Variants in KMT2D observed in about 807,000 individuals in gnomAD.
KMT2D encodes the protein histone-lysine N-methyltransferase 2D.
Under a neutral mutation model 512.7 loss-of-function variants are expected in KMT2D, and 55 were observed. The ratio of observed to expected loss-of-function variants is 0.11; its 90% confidence interval spans 0.09 to 0.13. KMT2D has a LOEUF of 0.13. KMT2D is among the 10% of genes least tolerant of loss of function. KMT2D has a pLI of 1.00. For synonymous variants in KMT2D, 2,995 were observed against 2,904.0 expected, an observed-to-expected ratio of 1.03 and a Z score of -1.01; for missense variants, 6,061 against 7,127.9, an observed-to-expected ratio of 0.85 and a Z score of 5.39.
rs1000455345 is a variant in KMT2D at position 49,024,048 on chromosome 12, C to T, written c.16052+530G>A. 7.5e-5 allele frequency: 34 copies of T among 454,870 alleles called. No individual in the cohort carries two copies. Among genetic ancestry groups the T allele is most frequent in the Non-Finnish European group, 1.4e-4 (31 of 226,674 alleles). The allele number at this position is 454,870 out of a possible 1,614,324, so 28.2% of individuals were successfully genotyped here. A position where few individuals can be genotyped will look rare whatever the true frequency, so the allele number is the denominator to read the frequency against. On this transcript the variant is annotated intron_variant, in intron 51 of 54. Transcript: ENST00000301067. This position sits in a 1 kb window ranked among gnomAD's most constrained non-coding sequence, Gnocchi z 4.5. ...AATGGGGGTCATACCACCTGCCCTA[C>T]CTACCTCATAAGGTTGTTGTGAGGA...
At position 49,026,159 on chromosome 12, in the gene KMT2D, C is replaced by A. The variant is rs1420438384; in HGVS notation, c.15784+23G>T. The A allele has an allele frequency of 6.5e-7, 1 of 1,536,858 alleles. No homozygotes were observed. ...GAAACTTTTCCCATTCCATATTATC[C>A]ATTTCAAGGGCCCACTGCTCACCCT... On this transcript the variant is annotated intron_variant, in intron 49 of 54. Transcript: ENST00000301067. The surrounding 1 kb of genome is among the most constrained non-coding windows in gnomAD (Gnocchi z 9.6).
chr12:49,048,863 C>T (rs1241132156), intron 13 of KMT2D, 94 bp from the exon 14 acceptor site: 1 of 887,318 alleles, frequency 1.1e-6, no homozygotes, highest in African/African-American at 1.7e-5. Context: ...AGTGTGAACC[C>T]TTGGTTAAGA....
Position 49,021,514 on chromosome 12 carries a change from AT to A in KMT2D, c.*265del, listed in dbSNP as rs1942327295. 2 of 514,338 alleles carry A rather than the reference AT, an allele frequency of 3.9e-6. No individual in the cohort carries two copies. Among genetic ancestry groups the A allele is most frequent in the Admixed American group, 3.4e-5 (1 of 29,804 alleles). 31.9% of individuals were successfully genotyped at this position (514,338 alleles called of 1,614,324 possible). A position where few individuals can be genotyped will look rare whatever the true frequency, so the allele number is the denominator to read the frequency against. On this transcript the variant is annotated 3_prime_UTR_variant, in exon 55 of 55. Transcript: ENST00000301067. ...ATCCCCCTCAAACCTGAGATGCCCA[AT>A]GGCTGCTTCTGTCTGGCCCCTCCTG...
intron 8 of KMT2D, 41 bp from the exon 9 acceptor site, chr12:49,053,113 G>A (rs2120693482): frequency 6.2e-7 from 1 of 1,613,532 alleles, no homozygotes; most frequent in South Asian, 1.1e-5. Flanking sequence ...TGGTCAGACA[G>A]CAAAGACTAA....
In KMT2D at chr12:49,052,059, C is replaced by T. The variant is rs1472465711; in HGVS notation, c.1624G>A (p.Ala542Thr). ...TCAAATGGTGGGGACAGGGGCGATG[C>T]TTCAGGTGGTGGGGATAGAGGCGTC... ...LETPLSPPPEASPLSPPFEES... is the reference protein window; with the variant it reads ...LETPLSPPPETSPLSPPFEES... Residue 542 changes from alanine to threonine, a missense_variant, in exon 11 of 55, where the codon GCA becomes ACA. Ala to Thr is a moderately conservative substitution (Grantham distance 58, BLOSUM62 0). This residue lies in a region of KMT2D where 848 missense variants were observed against 838.5 expected (regional missense o/e 1.01). Coordinates refer to ENST00000301067, the MANE Select transcript of KMT2D (RefSeq NM_003482.4). 4 of 1,612,844 alleles carry T rather than the reference C, an allele frequency of 2.5e-6. No individual in the cohort carries two copies. The East Asian group carries it at 8.9e-5, about 36-fold the overall frequency.
At position 49,040,830 on chromosome 12, in the gene KMT2D, T is replaced by C. The variant is rs1248753618; in HGVS notation, c.6940A>G (p.Thr2314Ala). The C allele has an allele frequency of 1.9e-6, 3 of 1,613,522 alleles. No homozygotes were observed. The highest frequency in any genetic ancestry group is 1.7e-5 in the Admixed American group (1 of 59,988). The part of the protein sequence containing the change: ...LGFVDSPSSG[T>A]HLGGLELKTP... ...TTTAACTCCAGGCCACCCAGGTGGG[T>C]GCCTGAGGAGGGTGAGTCAACAAAG... Residue 2314 changes from threonine (T) to alanine (A), a missense_variant, in exon 32 of 55, where the codon ACC becomes GCC. Thr to Ala is a moderately conservative substitution (Grantham distance 58, BLOSUM62 0). Transcript: ENST00000301067.
rs761129426 is a variant in KMT2D at position 49,029,144 on chromosome 12, G to A, written c.14168C>T (p.Pro4723Leu). Residue 4723 changes from proline to leucine, a missense_variant, in exon 45 of 55, where the codon CCT becomes CTT. Around this residue, in one of 16 missense-constraint regions of KMT2D, gnomAD observed 1,600 missense variants for 1,754.9 expected, o/e 0.91. Coordinates refer to ENST00000301067, the MANE Select transcript of KMT2D (RefSeq NM_003482.4). ...CTCCCACCGGCCTGAGCCCAGATGA[G>A]GGAAACGAGGGGCCTCCTCCCCCAA... ...SILGEEAPRF[P>L]HLGSGRWEQE... 2 of 1,613,848 alleles carry A rather than the reference G, an allele frequency of 1.2e-6. No homozygotes were observed. The highest frequency in any genetic ancestry group is 1.7e-5 in the Admixed American group (1 of 60,024).
rs555129891 is a variant in KMT2D at position 49,044,350 on chromosome 12, T to C, written c.5084-46A>G. 9.3e-6 allele frequency: 15 copies of C among 1,613,602 alleles called. No homozygotes were observed. The highest frequency in any genetic ancestry group is 7.7e-5 in the South Asian group (7 of 91,052). Reference sequence around the variant, plus strand: ...GGATGAGAAGCCGCTGGGGGACCTATTGAGCTGCCCCGCACCACCCCACCA... The same window carrying C: ...GGATGAGAAGCCGCTGGGGGACCTACTGAGCTGCCCCGCACCACCCCACCA... On this transcript the variant is annotated intron_variant, in intron 21 of 54. Transcript: ENST00000301067. This position sits in a 1 kb window ranked among gnomAD's most constrained non-coding sequence, Gnocchi z 6.4.
rs1942158003 is a variant in KMT2D at position 49,019,071 on chromosome 12, T to C, written c.*2709A>G. 2 of 1,323,248 alleles carry C rather than the reference T, an allele frequency of 1.5e-6. No homozygotes were observed. The highest frequency in any genetic ancestry group is 1.7e-5 in the South Asian group (1 of 58,774). The allele number at this position is 1,323,248 out of a possible 1,614,324, so 82.0% of individuals were successfully genotyped here. A position where few individuals can be genotyped will look rare whatever the true frequency, so the allele number is the denominator to read the frequency against. On this transcript the variant is annotated 3_prime_UTR_variant, in exon 55 of 55. Transcript: ENST00000301067. ...CCCTTTGCCTCTCGCAACATAAATA[T>C]GTACAGTTCAGAATGATCGCTGATA...
chr12:49,038,325 G>A lies in KMT2D; in HGVS notation c.9031C>T (p.His3011Tyr), dbSNP rs2120494460. 1 of 1,613,850 alleles carries A rather than the reference G, an allele frequency of 6.2e-7. No homozygotes were observed. Among genetic ancestry groups the A allele is most frequent in the Non-Finnish European group, 8.5e-7 (1 of 1,179,882 alleles). The change falls in exon 35 of 55, where the codon CAC (histidine) becomes TAC (tyrosine). Residue 3011 changes from histidine (H) to tyrosine (Y), a missense_variant. Around this residue, in one of 16 missense-constraint regions of KMT2D, gnomAD observed 527 missense variants for 578.9 expected, o/e 0.91. Transcript: ENST00000301067. This position sits in a 1 kb window ranked among gnomAD's most constrained non-coding sequence, Gnocchi z 5.7. Reference sequence around the variant, plus strand: ...GCCACATCCACACCCAGACCCAGGTGAGCAAGCTCTTCATCATCCTCTAGG... The same window carrying A: ...GCCACATCCACACCCAGACCCAGGTAAGCAAGCTCTTCATCATCCTCTAGG... The part of the protein sequence containing the change: ...KALEDDEELA[H>Y]LGLGVDVAKG...
Position 49,049,948 on chromosome 12 carries a change from C to T in KMT2D, c.3640G>A (p.Gly1214Ser), listed in dbSNP as rs764323212. ...CCAGGAAAACTGGCACTGGCATCAC[C>T]CTGGCTCAGATTAGAGATCTCGTTA... is the stretch of plus-strand genomic sequence containing the variant. ...IVNEISNLSQ[G>S]DASASFPGSE... The change falls in exon 12 of 55, where the codon GGT (glycine) becomes AGT (serine). Residue 1214 changes from glycine to serine, a missense_variant. This residue lies in a region of KMT2D where 447 missense variants were observed against 500.1 expected (regional missense o/e 0.89). Coordinates refer to ENST00000301067, the MANE Select transcript of KMT2D (RefSeq NM_003482.4). 2 of 1,613,956 alleles carry T rather than the reference C, an allele frequency of 1.2e-6. No individual in the cohort carries two copies. Among genetic ancestry groups the T allele is most frequent in the Admixed American group, 1.7e-5 (1 of 60,026 alleles).
chr12:49,039,510 G>T lies in KMT2D; in HGVS notation c.8154C>A (p.Gly2718=), dbSNP rs376135377. 4.3e-6 allele frequency: 7 copies of T among 1,611,936 alleles called. No individual in the cohort carries two copies. The African/African-American group carries it at 5.3e-5, about 12-fold the overall frequency. ...GGCTGCTGGGCTCAGCACCCCAGCT[G>T]CCTGGAGGCCCCACTGCTCCTGCAG... ...AAAAGAVGPP[G]SWGAEPSSPA... The change falls in exon 33 of 55, where the codon GGC becomes GGA. Residue 2718 remains glycine (G), a synonymous_variant. Coordinates refer to ENST00000301067, the MANE Select transcript of KMT2D (RefSeq NM_003482.4). The surrounding 1 kb of genome is among the most constrained non-coding windows in gnomAD (Gnocchi z 5.0).
chr12:49,033,896 C>G lies in KMT2D; in HGVS notation c.10809G>C (p.Gln3603His). ...GTTGCTGTTGTTGCTGCTGCTGCTG[C>G]TGTTGTTGCTGCTGCTTGTTCCGAT... ...AEYRNKQQQQ[Q>H]QQQQQQQQQH... The change falls in exon 40 of 55, where the codon CAG (glutamine) becomes CAC (histidine). Residue 3603 changes from glutamine to histidine, a missense_variant. By Grantham distance (24) the Gln-to-His change is conservative. This residue lies in a region of KMT2D where 50 missense variants were observed against 119.9 expected (regional missense o/e 0.42). Coordinates refer to ENST00000301067, the MANE Select transcript of KMT2D (RefSeq NM_003482.4). 6.5e-7 allele frequency: 1 copy of G among 1,532,950 alleles called. No individual in the cohort carries two copies. The highest frequency in any genetic ancestry group is 8.8e-7 in the Non-Finnish European group (1 of 1,138,824). The allele number at this position is 1,532,950 out of a possible 1,614,324, so 95.0% of individuals were successfully genotyped here.
chr12:49,060,153 C>G lies in KMT2D; in HGVS notation c.-578G>C, dbSNP rs1938658479. On this transcript the variant is annotated 5_prime_UTR_variant, in exon 1 of 55. Transcript: ENST00000301067. ...CCGGCGCCCGGGGCCGCGCGAGCTACGGCGACGCGGGGCCGGCGGGGCCGC... is the reference window on the plus strand; with the variant it reads ...CCGGCGCCCGGGGCCGCGCGAGCTAGGGCGACGCGGGGCCGGCGGGGCCGC... Among the ~76,000 whole-genome samples the G allele has an allele frequency of 6.6e-6, 1 of 151,404 alleles. No individual in the cohort carries two copies.
chr12:49,053,104 G>A, intron 8 of KMT2D, 32 bp from the exon 9 acceptor site: 1 of 1,613,738 alleles, frequency 6.2e-7, no homozygotes, highest in East Asian at 2.2e-5. Flanking sequence ...AACAGGCATT[G>A]GTCAGACAGC....
chr12:49,056,348 C>T (rs185665739), intron 1 of KMT2D, among the ~76,000 whole-genome samples: 1 of 152,182 alleles, frequency 6.6e-6, no homozygotes, highest in Admixed American at 6.5e-5. Flanking sequence ...AAATGCGTGC[C>T]TGTATCAGAG....
Position 49,041,552 on chromosome 12 carries a change from G to A in KMT2D, c.6235-17C>T, listed in dbSNP as rs1305450736. The A allele has an allele frequency of 6.2e-7, 1 of 1,613,096 alleles. No individual in the cohort carries two copies. Among genetic ancestry groups the A allele is most frequent in the South Asian group, 1.1e-5 (1 of 91,050 alleles). On this transcript the variant is annotated splice_polypyrimidine_tract_variant and intron_variant, in intron 31 of 54. Transcript: ENST00000301067. The surrounding 1 kb of genome is among the most constrained non-coding windows in gnomAD (Gnocchi z 5.4). ...CTCAGCCTGCTACAGGGGGAGACCA[G>A]GCATAGGGCAGTCAGGCTGCTGCAG...
chr12:49,025,273 A>G (rs1706809330), intron 49 of KMT2D, among the ~76,000 whole-genome samples: 1 of 152,236 alleles, frequency 6.6e-6, no homozygotes, highest in South Asian at 2.1e-4. Context: ...AGTACTGGTC[A>G]TGAGACCTTG....
In KMT2D at chr12:49,022,661, C is replaced by T. The variant is rs1942386075; in HGVS notation, c.16267G>A (p.Val5423Ile). Residue 5423 changes from valine (V) to isoleucine (I), a missense_variant, in exon 52 of 55, where the codon GTT becomes ATT. Val to Ile is a conservative substitution (Grantham distance 29). Coordinates refer to ENST00000301067, the MANE Select transcript of KMT2D (RefSeq NM_003482.4). The surrounding 1 kb of genome is among the most constrained non-coding windows in gnomAD (Gnocchi z 8.6). Reference protein sequence around the residue: ...AAKDLEKHTMVIEYIGTIIRN... With the variant: ...AAKDLEKHTMIIEYIGTIIRN... ...ATGATGGTGCCAATGTACTCGATAA[C>T]CATTGTGTGCTTTTCTAGGTCCTTG... is the stretch of plus-strand genomic sequence containing the variant. The T allele has an allele frequency of 6.2e-7, 1 of 1,613,970 alleles. No individual in the cohort carries two copies. Among genetic ancestry groups the T allele is most frequent in the Non-Finnish European group, 8.5e-7 (1 of 1,179,886 alleles).
Sources: gnomAD v4.1 joint callset for allele counts (sites outside exome capture counted in the v4.1 genomes callset) on GRCh38, gnomAD v4.1.1 for gene constraint, gnomAD v4.1.1 regional missense constraint, Gnocchi (gnomAD v3.1) non-coding constraint, MANE v1.5 for transcripts, NCBI Gene and HGNC (gene_info 2026-07-23, HGNC 2026-07-21) for gene names.